The following EPB41L4A variants were observed in gnomAD, a reference collection of about 807,000 sequenced individuals.
The protein encoded by EPB41L4A is erythrocyte membrane protein band 4.1 like 4A, also known as band 4.1-like protein 4A.
In EPB41L4A, 100 loss-of-function variants were observed where a neutral mutation model predicts 108.6. The observed-to-expected ratio is 0.92, with a 90% CI of 0.78 to 1.09. EPB41L4A has a LOEUF of 1.09. Ranked by LOEUF, EPB41L4A falls within the 50% of genes least tolerant of loss-of-function variation. EPB41L4A has a pLI of 0.00. For missense variants in EPB41L4A, 1,030 were observed against 842.7 expected (o/e 1.22, Z -2.75); for synonymous variants, 319 against 289.0 (o/e 1.10, Z -1.05).
At chr5:112,279,039 T>C (rs1717598688) in intron 3 of EPB41L4A, among the ~76,000 whole-genome samples, 1 of 125,936 alleles carries the variant, frequency 7.9e-6, no homozygotes, top group South Asian at 2.5e-4. Context: ...CACTCCAGCC[T>C]GGGTGCCAGA....
At chr5:112,265,726 C>G (rs899186252) in intron 5 of EPB41L4A, among the ~76,000 whole-genome samples, 3 of 152,172 alleles carry the variant, frequency 2.0e-5, no homozygotes, top group Admixed American at 1.3e-4. Flanking sequence ...GTAGTCTCAG[C>G]CTCAGTCTCC....
intron 1 of EPB41L4A, among the ~76,000 whole-genome samples, chr5:112,309,845 A>G (rs977614748): frequency 6.6e-6 from 1 of 152,178 alleles, no homozygotes; most frequent in African/African-American, 2.4e-5. Context: ...CACTTGAAAG[A>G]TGAAGGGGGC....
intron 1 of EPB41L4A, among the ~76,000 whole-genome samples, chr5:112,404,395 A>G (rs553863037): frequency 6.6e-6 from 1 of 152,204 alleles, no homozygotes; most frequent in Non-Finnish European, 1.5e-5. Flanking sequence ...TAAATGATGG[A>G]GCCACAAGAT....
intron 7 of EPB41L4A, among the ~76,000 whole-genome samples, chr5:112,262,017 G>A (rs62364081): frequency 6.7e-6 from 1 of 150,368 alleles, no homozygotes; most frequent in Non-Finnish European, 1.5e-5. Context: ...TCAGCCTCCC[G>A]AGTGGCTGGG....
chr5:112,191,469 T>C (rs1242746801), intron 17 of EPB41L4A, among the ~76,000 whole-genome samples: 1 of 152,208 alleles, frequency 6.6e-6, no homozygotes, highest in Non-Finnish European at 1.5e-5. Context: ...TTAATGGTTG[T>C]CAAAAGCCTG....
At chr5:112,280,619 A>G (rs1752909133) in intron 2 of EPB41L4A, among the ~76,000 whole-genome samples, 2 of 152,204 alleles carry the variant, frequency 1.3e-5, no homozygotes, top group Admixed American at 1.3e-4. Flanking sequence ...GCATGACCCC[A>G]TCTTTTAAAA....
chr5:112,332,415 T>C (rs186833079), intron 1 of EPB41L4A, among the ~76,000 whole-genome samples: 9 of 152,288 alleles, frequency 5.9e-5, no homozygotes, highest in African/African-American at 2.2e-4. Context: ...TCACCATTAG[T>C]GGTATTTCAG....
intron 1 of EPB41L4A, among the ~76,000 whole-genome samples, chr5:112,368,202 G>T (rs912403270): frequency 4.6e-5 from 7 of 152,108 alleles, no homozygotes; most frequent in Non-Finnish European, 8.8e-5. Flanking sequence ...CTTGAAAACA[G>T]ATTGCCTTCT....
chr5:112,215,786 A>AC (rs1487324503), intron 12 of EPB41L4A, among the ~76,000 whole-genome samples: 3 of 149,748 alleles, frequency 2.0e-5, no homozygotes, highest in African/African-American at 7.3e-5. Flanking sequence ...AACAAAAAAA[A>AC]CAAAAAAAAA....
At chr5:112,317,094 A>T (rs754643972) in intron 1 of EPB41L4A, among the ~76,000 whole-genome samples, 2 of 152,222 alleles carry the variant, frequency 1.3e-5, no homozygotes, top group African/African-American at 2.4e-5. Context: ...ATCTCTTGAT[A>T]GGAGGAATGA....
At chr5:112,195,770 C>A (rs903880874) in intron 15 of EPB41L4A, 62 bp from the exon 16 acceptor site, 3 of 1,433,562 alleles carry the variant, frequency 2.1e-6, no homozygotes, top group Non-Finnish European at 2.9e-6. Flanking sequence ...AAGGAAAGCA[C>A]ACCAAAATGA....
At chr5:112,386,127 T>A (rs1760509105) in intron 1 of EPB41L4A, among the ~76,000 whole-genome samples, 2 of 152,232 alleles carry the variant, frequency 1.3e-5, no homozygotes, top group South Asian at 4.1e-4. Context: ...AGTCACATCT[T>A]TAATAAGCAC....
At chr5:112,144,783 C>T (rs929892444) in intron 13 of EPB41L4A, among the ~76,000 whole-genome samples, 3 of 152,074 alleles carry the variant, frequency 2.0e-5, no homozygotes, top group Non-Finnish European at 4.4e-5. Context: ...ATTGTTGCTA[C>T]TGCTGTTATA....
At chr5:112,383,695 T>C (rs370255964) in intron 1 of EPB41L4A, among the ~76,000 whole-genome samples, 7 of 152,108 alleles carry the variant, frequency 4.6e-5, no homozygotes, top group Admixed American at 2.0e-4. Flanking sequence ...AAATTAATTG[T>C]ATTCAGACAA....
intron 9 of EPB41L4A, among the ~76,000 whole-genome samples, chr5:112,243,235 C>G: frequency 6.7e-6 from 1 of 148,608 alleles, no homozygotes; most frequent in East Asian, 2.0e-4. Context: ...ATATATATAT[C>G]TATGTATATA....
At chr5:112,330,891 C>G (rs946374732) in intron 1 of EPB41L4A, among the ~76,000 whole-genome samples, 2 of 152,034 alleles carry the variant, frequency 1.3e-5, no homozygotes, top group African/African-American at 4.8e-5. Flanking sequence ...GGAGTGTGGA[C>G]AGGGTGAGGA....
chr5:112,163,516 G>A lies in EPB41L4A; in HGVS notation c.*1474C>T, dbSNP rs1236759555. 1 of 152,188 alleles carries A rather than the reference G, an allele frequency of 6.6e-6. No homozygotes were observed. Among genetic ancestry groups the A allele is most frequent in the East Asian group, 1.9e-4 (1 of 5,192 alleles). 9.4% of individuals were successfully genotyped at this position (152,188 alleles called of 1,614,324 possible). A position where few individuals can be genotyped will look rare whatever the true frequency, so the allele number is the denominator to read the frequency against. On this transcript the variant is annotated 3_prime_UTR_variant, in exon 23 of 23. Coordinates refer to ENST00000261486, the MANE Select transcript of EPB41L4A (RefSeq NM_022140.5). ...AAGGTAAAGCATGATAAGCCAGAAA[G>A]GATGGTCAGTGGTAGGAGCAAAATA...
At chr5:112,310,869 C>T (rs149829110) in intron 1 of EPB41L4A, among the ~76,000 whole-genome samples, 34 of 152,262 alleles carry the variant, frequency 2.2e-4, no homozygotes, top group African/African-American at 7.9e-4. Flanking sequence ...TCAGCAAGGA[C>T]TTTGACTTCT....
At chr5:112,335,431 T>C (rs1271093844) in intron 1 of EPB41L4A, among the ~76,000 whole-genome samples, 1 of 152,186 alleles carries the variant, frequency 6.6e-6, no homozygotes. Context: ...ATCTATATAG[T>C]TTAAGAGATA....
Sources: gnomAD v4.1 joint callset for allele counts (sites outside exome capture counted in the v4.1 genomes callset) on GRCh38, gnomAD v4.1.1 for gene constraint, MANE v1.5 for transcripts, NCBI Gene and HGNC (gene_info 2026-07-23, HGNC 2026-07-21) for gene names.